Variants in SZT2 observed in about 807,000 individuals in gnomAD.
SZT2 encodes SZT2 subunit of KICSTOR complex.
SZT2 carries 216 observed loss-of-function variants against 404.2 expected under a neutral mutation model. The observed-to-expected ratio is 0.53, with a 90% CI of 0.48 to 0.60. SZT2 has a LOEUF of 0.60. Ranked by LOEUF, SZT2 falls within the 20% of genes least tolerant of loss-of-function variation. SZT2 has a pLI of 0.00. For synonymous variants in SZT2, 1,693 were observed against 1,749.9 expected (o/e 0.97, Z 0.81); for missense variants, 3,857 against 4,459.2 (o/e 0.86, Z 3.85).
intron 4 of SZT2, among the ~76,000 whole-genome samples, chr1:43,407,759 A>G (rs1225035873): frequency 1.3e-5 from 2 of 151,958 alleles, no homozygotes; most frequent in Non-Finnish European, 2.9e-5. Context: ...CTATAATACA[A>G]TACCCAGAAA....
chr1:43,428,890 G>A, intron 28 of SZT2: 1 of 205,060 alleles, frequency 4.9e-6, no homozygotes, highest in South Asian at 1.0e-4. Flanking sequence ...GGGCTCAGCA[G>A]GTCCCTGTTG....
At chr1:43,445,489 C>A in intron 62 of SZT2, 2 of 213,872 alleles carry the variant, frequency 9.4e-6, no homozygotes, top group Non-Finnish European at 1.9e-5. Context: ...CTGGAACTGC[C>A]ATCCCCCCCA....
At chr1:43,403,832 G>A (rs888590345) in intron 3 of SZT2, 58 bp downstream of exon 3, 5 of 1,584,136 alleles carry the variant, frequency 3.2e-6, no homozygotes, top group East Asian at 4.5e-5. Context: ...TGAGGAGAGG[G>A]AGAGGCCTGT....
rs1652926353 is a variant in SZT2, at chr1:43,424,664, C to G, written c.2472-120C>G. ...GAGGGACCGCCAGTCTAAGCAGGGCCAGCAGCAGACTTGGCTCCTTGAGGA... is the reference window on the plus strand; with the variant it reads ...GAGGGACCGCCAGTCTAAGCAGGGCGAGCAGCAGACTTGGCTCCTTGAGGA... On this transcript the variant is annotated intron_variant, in intron 16 of 71. Coordinates refer to ENST00000634258, the MANE Select transcript of SZT2 (RefSeq NM_001365999.1). This position sits in a 1 kb window ranked among gnomAD's most constrained non-coding sequence, Gnocchi z 4.1. 9 of 934,236 alleles carry G rather than the reference C, an allele frequency of 9.6e-6. No homozygotes were observed. The South Asian group carries it at 1.2e-4, about 13-fold the overall frequency. The allele number at this position is 934,236 out of a possible 1,614,324, so 57.9% of individuals were successfully genotyped here. A position where few individuals can be genotyped will look rare whatever the true frequency, so the allele number is the denominator to read the frequency against.
At chr1:43,433,322 T>G in intron 40 of SZT2, 132 bp downstream of exon 40, 1 of 915,818 alleles carries the variant, frequency 1.1e-6, no homozygotes, top group East Asian at 2.6e-5. Context: ...CAACTTGTAT[T>G]CTTAGGTTGG....
In SZT2 at chr1:43,430,005, C is replaced by T. The variant is rs1415730162; in HGVS notation, c.4309-6C>T. On this transcript the variant is annotated splice_polypyrimidine_tract_variant and splice_region_variant and intron_variant, in intron 29 of 71. Coordinates refer to ENST00000634258, the MANE Select transcript of SZT2 (RefSeq NM_001365999.1). ...CATTCTAACCTCCTTCTAAACCCCA[C>T]AACAGGAGAAGTTCCTAGAGATCAG... 1 of 1,614,174 alleles carries T rather than the reference C, an allele frequency of 6.2e-7. No individual in the cohort carries two copies. The highest frequency in any genetic ancestry group is 1.7e-5 in the Admixed American group (1 of 60,030).
rs369058885 is a variant in SZT2, at chr1:43,427,673, G to T, written c.3742G>T (p.Ala1248Ser). Reference sequence around the variant, plus strand: ...CTACATCTACAGCTGTTCACTGGAAGCGCTGAGGGAACAAATGGTTGGCAT... The same window carrying T: ...CTACATCTACAGCTGTTCACTGGAATCGCTGAGGGAACAAATGGTTGGCAT... ...PVYIYSCSLEALREQMVGMQP... is the reference protein window; with the variant it reads ...PVYIYSCSLESLREQMVGMQP... Residue 1248 changes from alanine (A) to serine (S), a missense_variant, in exon 26 of 72, where the codon GCG (alanine) becomes TCG (serine). Physicochemically the swap from Ala to Ser is moderately conservative, Grantham distance 99. Transcript: ENST00000634258. The T allele has an allele frequency of 1.1e-5, 17 of 1,614,066 alleles. No homozygotes were observed. The highest frequency in any genetic ancestry group is 5.0e-5 in the Admixed American group (3 of 60,014).
Position 43,426,513 on chromosome 1 carries a change from G to A in SZT2, c.3189G>A (p.Val1063=), listed in dbSNP as rs1653163074. 1 of 1,590,832 alleles carries A rather than the reference G, an allele frequency of 6.3e-7. No individual in the cohort carries two copies. Among genetic ancestry groups the A allele is most frequent in the East Asian group, 2.3e-5 (1 of 44,342 alleles). The change falls in exon 22 of 72, where the codon GTG becomes GTA. Residue 1063 remains valine, a synonymous_variant. Coordinates refer to ENST00000634258, the MANE Select transcript of SZT2 (RefSeq NM_001365999.1). This position sits in a 1 kb window ranked among gnomAD's most constrained non-coding sequence, Gnocchi z 4.9. ...PVDQAAFLSE[V]LRRTCHVPGA... is the part of the protein sequence containing the mutation. Reference sequence around the variant, plus strand: ...ACCAGGCTGCCTTCTTGAGTGAGGTGCTGCGGCGGACCTGCCACGTTCCAG... The same window carrying A: ...ACCAGGCTGCCTTCTTGAGTGAGGTACTGCGGCGGACCTGCCACGTTCCAG...
intron 70 of SZT2, 128 bp from the exon 71 acceptor site, chr1:43,449,975 T>G (rs762999494): frequency 2.8e-4 from 308 of 1,097,516 alleles, no homozygotes; most frequent in Non-Finnish European, 3.9e-4. Context: ...CGGTCCTATG[T>G]GACCTCAGGG....
At chr1:43,430,847 G>A in intron 32 of SZT2, 58 bp downstream of exon 32, 2 of 1,583,036 alleles carry the variant, frequency 1.3e-6, no homozygotes, top group Non-Finnish European at 1.7e-6. Context: ...TGCCTAAGTG[G>A]GAGTGGAGGG....
intron 46 of SZT2, 179 bp downstream of exon 46, chr1:43,438,081 T>C: frequency 1.6e-6 from 1 of 617,074 alleles, no homozygotes; most frequent in Non-Finnish European, 2.8e-6. Context: ...CTGGGACTTC[T>C]CTTAGAACCT....
chr1:43,428,671 TCTCC>T (rs1653485634), intron 28 of SZT2, 185 bp downstream of exon 28: 1 of 749,744 alleles, frequency 1.3e-6, no homozygotes. Context: ...CAGGCAGCAG[TCTCC>T]CTCCCAGGCT....
rs572249288 is a variant in SZT2, at chr1:43,443,140, A to G, written c.8420-48A>G. On this transcript the variant is annotated intron_variant, in intron 59 of 71. Coordinates refer to ENST00000634258, the MANE Select transcript of SZT2 (RefSeq NM_001365999.1). ...CAGGAAATCTGTGGAGTCTGGGAGG[A>G]AGGGAGTGACAATGCCTGGGGCTAC... is the stretch of plus-strand genomic sequence containing the variant. 8.2e-5 allele frequency: 132 copies of G among 1,613,542 alleles called. 1 individual carries two copies. In the South Asian group the frequency reaches 1.0e-3, roughly 13 times the overall value.
At chr1:43,445,273 G>A (rs919218025) in intron 62 of SZT2, 2 of 152,614 alleles carry the variant, frequency 1.3e-5, no homozygotes, top group Non-Finnish European at 2.9e-5. Context: ...ACTAAGTCTT[G>A]TCCCAGTTTC....
chr1:43,423,565 A>G (rs1271206770), intron 15 of SZT2, among the ~76,000 whole-genome samples: 1 of 143,580 alleles, frequency 7.0e-6, no homozygotes, highest in African/African-American at 2.8e-5. Context: ...AGTGGTACAG[A>G]GGTGTGGAAG....
At chr1:43,413,814 GGGGGAGGTGGAA>G (rs2153931283) in intron 4 of SZT2, among the ~76,000 whole-genome samples, 1 of 152,312 alleles carries the variant, frequency 6.6e-6, no homozygotes, top group East Asian at 1.9e-4. Flanking sequence ...AAGGGTAGCT[GGGGGAGGTGGAA>G]GGGGAGATGG....
chr1:43,425,034 A>AT lies in SZT2; in HGVS notation c.2551-77dup. ...AGGACAATTTGGTGAGGGAACTGAA[A>AT]TTCTGAGGGCCAGAGCTAGGCCAGG... is the stretch of plus-strand genomic sequence containing the variant. On this transcript the variant is annotated intron_variant, in intron 17 of 71. Coordinates refer to ENST00000634258, the MANE Select transcript of SZT2 (RefSeq NM_001365999.1). This position sits in a 1 kb window ranked among gnomAD's most constrained non-coding sequence, Gnocchi z 4.3. 1.3e-6 allele frequency: 2 copies of AT among 1,591,898 alleles called. No homozygotes were observed. Among genetic ancestry groups the AT allele is most frequent in the Non-Finnish European group, 1.7e-6 (2 of 1,160,688 alleles).
chr1:43,453,826 G>T lies in SZT2; in HGVS notation c.*3346G>T. On this transcript the variant is annotated 3_prime_UTR_variant, in exon 72 of 72. Coordinates refer to ENST00000634258, the MANE Select transcript of SZT2 (RefSeq NM_001365999.1). ...GAGGCCGGGCCGGGCGGAGTCCGCG[G>T]GATCCAAAGGCGGCGGGCGGCGGGC... is the stretch of plus-strand genomic sequence containing the variant. 3 of 1,230,512 alleles carry T rather than the reference G, an allele frequency of 2.4e-6. No individual in the cohort carries two copies. The highest frequency in any genetic ancestry group is 3.0e-6 in the Non-Finnish European group (3 of 988,744). 76.2% of individuals were successfully genotyped at this position (1,230,512 alleles called of 1,614,324 possible).
rs1570644849 is a variant in SZT2, at chr1:43,425,294, A to G, written c.2645+87A>G. On this transcript the variant is annotated intron_variant, in intron 18 of 71. Transcript: ENST00000634258. The surrounding 1 kb of genome is among the most constrained non-coding windows in gnomAD (Gnocchi z 4.3). ...AGAGGTCTGGCTCCCATATCCTGAGATGATCTTGATCCCAAAGTCAGGGAG... is the reference window on the plus strand; with the variant it reads ...AGAGGTCTGGCTCCCATATCCTGAGGTGATCTTGATCCCAAAGTCAGGGAG... 4.5e-6 allele frequency: 7 copies of G among 1,552,212 alleles called. No individual in the cohort carries two copies. Among genetic ancestry groups the G allele is most frequent in the Non-Finnish European group, 6.2e-6 (7 of 1,134,366 alleles).
Sources: allele counts gnomAD v4.1 joint callset (sites outside exome capture counted in the v4.1 genomes callset), GRCh38; gene constraint gnomAD v4.1.1; non-coding constraint Gnocchi (gnomAD v3.1); transcripts MANE v1.5; gene names NCBI Gene and HGNC (gene_info 2026-07-23, HGNC 2026-07-21).